POU6F2: variants seen among roughly 807,000 people sequenced by gnomAD.
POU6F2 encodes POU class 6 homeobox 2, also known as POU domain, class 6, transcription factor 2.
In POU6F2, 31 loss-of-function variants were observed where a neutral mutation model predicts 71.3. The ratio of observed to expected loss-of-function variants is 0.43; its 90% confidence interval spans 0.33 to 0.59. POU6F2 has a LOEUF of 0.59. POU6F2 is among the 20% of genes least tolerant of loss of function. The probability of loss-of-function intolerance (pLI) is 0.04; values close to 1 mark genes in which losing one functional copy is unlikely to be tolerated. For synonymous variants in POU6F2, 347 were observed against 355.7 expected (o/e 0.98, Z 0.27); for missense variants, 783 against 856.8 (o/e 0.91, Z 1.07).
chr7:39,006,838 A>G, intron 1 of POU6F2: 1 of 1,613,676 alleles, frequency 6.2e-7, no homozygotes. Context: ...ATGATCCAAG[A>G]GGAAGTGGCA....
intron 1 of POU6F2, among the ~76,000 whole-genome samples, chr7:39,047,793 T>C (rs1384011314): frequency 1.3e-5 from 2 of 151,994 alleles, no homozygotes; most frequent in African/African-American, 2.4e-5. Flanking sequence ...GCCTTTTCTT[T>C]TTCTACATCT....
intron 6 of POU6F2, among the ~76,000 whole-genome samples, chr7:39,417,244 T>C (rs1437080516): frequency 6.6e-6 from 1 of 152,218 alleles, no homozygotes; most frequent in Admixed American, 6.5e-5. Context: ...TGCCCAATAA[T>C]GCACCCAACT....
At chr7:39,132,200 TC>T (rs1792300310) in intron 2 of POU6F2, among the ~76,000 whole-genome samples, 1 of 152,180 alleles carries the variant, frequency 6.6e-6, no homozygotes, top group Admixed American at 6.5e-5. Flanking sequence ...ATGTAATTTG[TC>T]TGGTCATTTT....
chr7:38,990,877 C>T (rs746580756), intron 1 of POU6F2, among the ~76,000 whole-genome samples: 4 of 151,990 alleles, frequency 2.6e-5, no homozygotes, highest in East Asian at 1.9e-4. Context: ...AAAAGAGAGA[C>T]GTGTGCTAGA....
intron 1 of POU6F2, among the ~76,000 whole-genome samples, chr7:39,042,054 A>G (rs567510604): frequency 3.2e-4 from 49 of 152,124 alleles, no homozygotes; most frequent in Admixed American, 9.8e-4. Context: ...ACTCTGAAGA[A>G]TGGGCAGGAG....
chr7:39,463,301 A>G (rs905808466), intron 9 of POU6F2, among the ~76,000 whole-genome samples: 1 of 152,244 alleles, frequency 6.6e-6, no homozygotes, highest in Non-Finnish European at 1.5e-5. Flanking sequence ...TGCTGATGGC[A>G]GTTGATATAT....
intron 2 of POU6F2, among the ~76,000 whole-genome samples, chr7:39,146,814 C>T (rs1323563296): frequency 6.6e-6 from 1 of 152,178 alleles, no homozygotes; most frequent in Non-Finnish European, 1.5e-5. Context: ...ACATATTCAG[C>T]GCACAGTGGA....
At chr7:39,298,210 C>T (rs147357973) in intron 4 of POU6F2, among the ~76,000 whole-genome samples, 193 of 152,308 alleles carry the variant, frequency 1.3e-3, no homozygotes, top group African/African-American at 4.1e-3. Context: ...AAGAAACTAG[C>T]ATCAGAGTGA....
chr7:39,167,591 C>T (rs565616544), intron 2 of POU6F2, among the ~76,000 whole-genome samples: 2 of 152,068 alleles, frequency 1.3e-5, no homozygotes, highest in Non-Finnish European at 2.9e-5. Flanking sequence ...ACAAACTTTC[C>T]CTTCCCCATG....
chr7:39,171,495 A>T (rs1793218263), intron 2 of POU6F2, among the ~76,000 whole-genome samples: 1 of 152,192 alleles, frequency 6.6e-6, no homozygotes, highest in Non-Finnish European at 1.5e-5. Flanking sequence ...TTTCTTAGAC[A>T]TTGTTAGCAA....
intron 1 of POU6F2, among the ~76,000 whole-genome samples, chr7:39,041,023 G>C (rs1790183991): frequency 6.6e-6 from 1 of 151,962 alleles, no homozygotes; most frequent in Non-Finnish European, 1.5e-5. Flanking sequence ...GCCATGGTTA[G>C]TGTTCACCTC....
intron 4 of POU6F2, among the ~76,000 whole-genome samples, chr7:39,303,436 C>G (rs1032337541): frequency 2.6e-5 from 4 of 152,218 alleles, no homozygotes; most frequent in African/African-American, 9.6e-5. Context: ...CGTGAGACAC[C>G]ACGCCCAGCC....
chr7:39,145,002 G>A (rs1054642488), intron 2 of POU6F2, among the ~76,000 whole-genome samples: 2 of 152,152 alleles, frequency 1.3e-5, no homozygotes, highest in African/African-American at 4.8e-5. Flanking sequence ...TGCAATGAAC[G>A]CTTTCATTCC....
chr7:39,329,602 A>C (rs1376551761), intron 4 of POU6F2, among the ~76,000 whole-genome samples: 1 of 152,170 alleles, frequency 6.6e-6, no homozygotes, highest in Non-Finnish European at 1.5e-5. Flanking sequence ...TGTTGGGAGA[A>C]GTCAAGGGAA....
At chr7:39,390,876 C>T (rs1029537548) in intron 5 of POU6F2, among the ~76,000 whole-genome samples, 1 of 151,760 alleles carries the variant, frequency 6.6e-6, no homozygotes, top group Non-Finnish European at 1.5e-5. Context: ...CTGTGGACAA[C>T]TTTCAGAACC....
At chr7:39,178,089 A>C (rs1793366366) in intron 2 of POU6F2, among the ~76,000 whole-genome samples, 1 of 152,112 alleles carries the variant, frequency 6.6e-6, no homozygotes, top group African/African-American at 2.4e-5. Flanking sequence ...CACCGTCTCT[A>C]CTAAAAATAC....
In POU6F2 at chr7:39,464,747, T is replaced by C. The variant is rs1227516344; in HGVS notation, c.*61T>C. On this transcript the variant is annotated 3_prime_UTR_variant, in exon 10 of 10. Transcript: ENST00000518318. The surrounding 1 kb of genome is among the most constrained non-coding windows in gnomAD (Gnocchi z 4.1). ...AGAAACTAAACTCCACCCTTGGGAC[T>C]CCACAACAACAACAACAACAAAATT... 1.4e-6 allele frequency: 2 copies of C among 1,478,698 alleles called. No homozygotes were observed. The highest frequency in any genetic ancestry group is 9.0e-7 in the Non-Finnish European group (1 of 1,110,752). 91.6% of individuals were successfully genotyped at this position (1,478,698 alleles called of 1,614,324 possible). A position where few individuals can be genotyped will look rare whatever the true frequency, so the allele number is the denominator to read the frequency against.
At position 39,157,923 on chromosome 7, in the gene POU6F2, A is replaced by C. The variant is rs114751786; in HGVS notation, c.278-46312A>C. 3.9e-3 allele frequency among the ~76,000 whole-genome samples: 600 copies of C among 152,300 alleles called. 4 individuals are homozygous for C. Among genetic ancestry groups the C allele is most frequent in the African/African-American group, 0.014 (579 of 41,560 alleles). ...GAATGCTGGATGGTTAGTAGCCGAAATATCTCCTTGGAGTAAGATGTTTAA... is the reference window on the plus strand; with the variant it reads ...GAATGCTGGATGGTTAGTAGCCGAACTATCTCCTTGGAGTAAGATGTTTAA... On this transcript the variant is annotated intron_variant, in intron 2 of 9. Coordinates refer to ENST00000518318, the MANE Select transcript of POU6F2 (RefSeq NM_001370959.1).
intron 2 of POU6F2, among the ~76,000 whole-genome samples, chr7:39,197,788 C>T (rs892390616): frequency 6.6e-6 from 1 of 152,192 alleles, no homozygotes; most frequent in South Asian, 2.1e-4. Flanking sequence ...CTGACACACA[C>T]CTCTATCATT....
Sources: gnomAD v4.1 joint callset for allele counts (sites outside exome capture counted in the v4.1 genomes callset) on GRCh38, gnomAD v4.1.1 for gene constraint, Gnocchi (gnomAD v3.1) non-coding constraint, MANE v1.5 for transcripts, NCBI Gene and HGNC (gene_info 2026-07-23, HGNC 2026-07-21) for gene names.